DPP10: variants seen among roughly 807,000 people sequenced by gnomAD.
The protein encoded by DPP10 is inactive dipeptidyl peptidase 10.
A neutral mutation model predicts 120.9 loss-of-function variants in DPP10; 33 were observed. The ratio of observed to expected loss-of-function variants is 0.27; its 90% CI spans 0.21 to 0.37. The LOEUF (loss-of-function observed/expected upper bound fraction) is 0.37, where lower values mean the gene tolerates loss of function less well. Ranked by LOEUF, DPP10 falls within the 10% of genes least tolerant of loss-of-function variation. The pLI, the probability that DPP10 is intolerant of heterozygous loss-of-function variation, is 1.00. For missense variants in DPP10, 816 were observed against 942.8 expected, an observed-to-expected ratio of 0.87 and a Z score of 1.76; for synonymous variants, 337 against 326.1, an observed-to-expected ratio of 1.03 and a Z score of -0.36.
chr2:115,683,281 C>G (rs1445244294), intron 5 of DPP10, among the ~76,000 whole-genome samples: 1 of 151,842 alleles, frequency 6.6e-6, no homozygotes, highest in Non-Finnish European at 1.5e-5. Context: ...ATATGGCATT[C>G]TGGGAAATGC....
At chr2:114,522,201 G>A (rs1470472520) in intron 1 of DPP10, among the ~76,000 whole-genome samples, 1 of 150,852 alleles carries the variant, frequency 6.6e-6, no homozygotes, top group African/African-American at 2.4e-5. Flanking sequence ...AGCCGGGATG[G>A]TCTCGATCTC....
intron 1 of DPP10, among the ~76,000 whole-genome samples, chr2:114,468,411 A>AAAAAAAAAAAAAAAAAAAAAAAAAAAG (rs1679607683): frequency 6.6e-6 from 1 of 151,666 alleles, no homozygotes; most frequent in Non-Finnish European, 1.5e-5. Context: ...AAAAAAAAAA[A>AAAAAAAAAAAAAAAAAAAAAAAAAAAG]AAAAAAAAAA....
chr2:115,456,738 C>G (rs934757821), intron 3 of DPP10, among the ~76,000 whole-genome samples: 2 of 152,090 alleles, frequency 1.3e-5, no homozygotes, highest in Non-Finnish European at 2.9e-5. Flanking sequence ...CATGCTCTCA[C>G]TCATAAGTGG....
chr2:114,882,077 C>A (rs1196010329), intron 1 of DPP10, among the ~76,000 whole-genome samples: 1 of 146,984 alleles, frequency 6.8e-6, no homozygotes, highest in Non-Finnish European at 1.5e-5. Flanking sequence ...GACTTGGAGT[C>A]ATTTATAAGT....
chr2:114,659,162 C>T (rs1341252637), intron 1 of DPP10, among the ~76,000 whole-genome samples: 2 of 152,148 alleles, frequency 1.3e-5, no homozygotes, highest in African/African-American at 4.8e-5. Flanking sequence ...AACTTCTTTC[C>T]TTCATAAATT....
intron 1 of DPP10, among the ~76,000 whole-genome samples, chr2:115,102,842 A>G (rs1247669182): frequency 1.3e-5 from 2 of 152,068 alleles, no homozygotes; most frequent in East Asian, 3.9e-4. Flanking sequence ...TTTCTCACAT[A>G]TAGTGACAGT....
At chr2:114,996,134 G>A (rs953126087) in intron 1 of DPP10, among the ~76,000 whole-genome samples, 9 of 152,138 alleles carry the variant, frequency 5.9e-5, no homozygotes, top group African/African-American at 1.4e-4. Flanking sequence ...TCAAGCTTAC[G>A]GATGGGTGTG....
intron 5 of DPP10, among the ~76,000 whole-genome samples, chr2:115,632,741 T>A (rs963435308): frequency 3.3e-5 from 5 of 151,730 alleles, no homozygotes; most frequent in African/African-American, 7.3e-5. Flanking sequence ...CAAGAAAAAA[T>A]CAAACAACCC....
chr2:115,432,374 A>C (rs906556458), intron 3 of DPP10, among the ~76,000 whole-genome samples: 20 of 152,174 alleles, frequency 1.3e-4, no homozygotes, highest in Middle Eastern at 3.4e-3. Flanking sequence ...GGAGATATTC[A>C]TGAATAGAAA....
intron 5 of DPP10, among the ~76,000 whole-genome samples, chr2:115,545,117 G>A (rs893000073): frequency 6.6e-6 from 1 of 151,976 alleles, no homozygotes; most frequent in Admixed American, 6.6e-5. Context: ...TAGATGATAT[G>A]TTTCCAAATG....
At chr2:115,653,443 A>G (rs1335853057) in intron 5 of DPP10, among the ~76,000 whole-genome samples, 1 of 152,026 alleles carries the variant, frequency 6.6e-6, no homozygotes, top group East Asian at 1.9e-4. Context: ...TCTGCCATCT[A>G]CATTAAAAAT....
At chr2:115,795,580 C>T (rs1684445160) in intron 19 of DPP10, among the ~76,000 whole-genome samples, 1 of 152,080 alleles carries the variant, frequency 6.6e-6, no homozygotes, top group Non-Finnish European at 1.5e-5. Flanking sequence ...AGAGTCTCAT[C>T]ACTGAATGTT....
Position 115,845,630 on chromosome 2 carries a change from G to T in DPP10, c.*3285G>T, listed in dbSNP as rs924038758. ...GATCACTTTCCAAAATAAACGGCAGGTGTGCTAGCTGTTGTCTTAGACTCT... is the reference window on the plus strand; with the variant it reads ...GATCACTTTCCAAAATAAACGGCAGTTGTGCTAGCTGTTGTCTTAGACTCT... On this transcript the variant is annotated 3_prime_UTR_variant, in exon 26 of 26. Coordinates refer to ENST00000410059, the MANE Select transcript of DPP10 (RefSeq NM_020868.6). 6.6e-6 allele frequency: 1 copy of T among 152,096 alleles called. No homozygotes were observed. Among genetic ancestry groups the T allele is most frequent in the African/African-American group, 2.4e-5 (1 of 41,406 alleles). The allele number at this position is 152,096 out of a possible 1,614,324, so 9.4% of individuals were successfully genotyped here.
At chr2:114,839,338 G>A (rs1242473940) in intron 1 of DPP10, among the ~76,000 whole-genome samples, 1 of 152,170 alleles carries the variant, frequency 6.6e-6, no homozygotes, top group Non-Finnish European at 1.5e-5. Flanking sequence ...GCCAAAGAAG[G>A]TAGTATCAGT....
At chr2:114,878,515 C>T (rs1189786403) in intron 1 of DPP10, among the ~76,000 whole-genome samples, 4 of 152,050 alleles carry the variant, frequency 2.6e-5, no homozygotes, top group Non-Finnish European at 4.4e-5. Context: ...CTATAGAACA[C>T]TAAAACTTAT....
chr2:115,655,414 G>A (rs1231734579), intron 5 of DPP10, among the ~76,000 whole-genome samples: 6 of 151,514 alleles, frequency 4.0e-5, no homozygotes, highest in African/African-American at 1.5e-4. Flanking sequence ...AGTATAACAA[G>A]TTCTTTAGAA....
At chr2:115,219,686 A>C (rs2057034185) in intron 1 of DPP10, among the ~76,000 whole-genome samples, 1 of 152,200 alleles carries the variant, frequency 6.6e-6, no homozygotes, top group Admixed American at 6.5e-5. Flanking sequence ...AGAACTTAAT[A>C]ATTAGGAGAA....
chr2:114,903,789 G>A (rs1172729621), intron 1 of DPP10, among the ~76,000 whole-genome samples: 2 of 152,144 alleles, frequency 1.3e-5, no homozygotes, highest in African/African-American at 4.8e-5. Context: ...CCTTATAAGG[G>A]GAGAAAGAGT....
chr2:115,587,967 AAC>A (rs1239891815), intron 5 of DPP10, among the ~76,000 whole-genome samples: 1 of 152,192 alleles, frequency 6.6e-6, no homozygotes, highest in Non-Finnish European at 1.5e-5. Context: ...TAAGATCCAA[AAC>A]ACAAATATTT....
Sources: allele counts gnomAD v4.1 joint callset (sites outside exome capture counted in the v4.1 genomes callset), GRCh38; gene constraint gnomAD v4.1.1; transcripts MANE v1.5; gene names NCBI Gene and HGNC (gene_info 2026-07-23, HGNC 2026-07-21).